PTPRJ: variants seen among roughly 807,000 people sequenced by gnomAD.
The protein encoded by PTPRJ is receptor-type tyrosine-protein phosphatase eta.
A neutral mutation model predicts 141.3 loss-of-function variants in PTPRJ; 129 were observed. The ratio of observed to expected loss-of-function variants is 0.91; its 90% CI spans 0.79 to 1.06. PTPRJ has a LOEUF of 1.06. PTPRJ is among the 50% of genes least tolerant of loss of function. PTPRJ has a pLI of 0.00. For synonymous variants in PTPRJ, 610 were observed against 640.5 expected (o/e 0.95, Z 0.72); for missense variants, 1,601 against 1,679.7 (o/e 0.95, Z 0.82).
In PTPRJ at chr11:48,112,791, G is replaced by A. The variant is rs1856473790; in HGVS notation, c.160G>A (p.Gly54Arg). The A allele has an allele frequency of 6.2e-7, 1 of 1,614,130 alleles. No individual in the cohort carries two copies. Among genetic ancestry groups the A allele is most frequent in the Non-Finnish European group, 8.5e-7 (1 of 1,179,976 alleles). The change falls in exon 3 of 25, where the codon GGG becomes AGG. Residue 54 changes from glycine to arginine, a missense_variant. By Grantham distance (125) the Gly-to-Arg change is moderately radical. Coordinates refer to ENST00000418331, the MANE Select transcript of PTPRJ (RefSeq NM_002843.4). The stretch of plus-strand genomic sequence containing the variant: ...CCCTTCAGTAGCAACTGTTGCCACA[G>A]GGGAAAATGGCATAACGCAGATCAG... ...PDPSVATVATGENGITQISST... is the reference protein window; with the variant it reads ...PDPSVATVATRENGITQISST...
At chr11:48,039,766 T>TC (rs1353508368) in intron 1 of PTPRJ, among the ~76,000 whole-genome samples, 4 of 151,620 alleles carry the variant, frequency 2.6e-5, no homozygotes, top group Admixed American at 2.6e-4. Context: ...TAGGTAAGTG[T>TC]CCCCCCAGTC....
At chr11:48,112,071 A>G (rs1590516588) in intron 2 of PTPRJ, among the ~76,000 whole-genome samples, 2 of 152,128 alleles carry the variant, frequency 1.3e-5, no homozygotes, top group African/African-American at 2.4e-5. Flanking sequence ...CCACTGCCAC[A>G]GTGTTGGTTC....
chr11:48,159,143 G>C (rs1379473082), intron 21 of PTPRJ, among the ~76,000 whole-genome samples: 6 of 149,248 alleles, frequency 4.0e-5, no homozygotes, highest in Admixed American at 2.7e-4. Context: ...GTGTGTGTGT[G>C]TGTGTGTGTG....
intron 22 of PTPRJ, 27 bp from the exon 23 acceptor site, chr11:48,163,431 G>C (rs2270990): frequency 8.4e-5 from 135 of 1,606,774 alleles, no homozygotes; most frequent in Admixed American, 1.7e-5. Flanking sequence ...TTTCTGTCTG[G>C]ATCTAAATCA....
intron 12 of PTPRJ, 50 bp from the exon 13 acceptor site, chr11:48,144,625 T>C (rs761944213): frequency 1.4e-6 from 2 of 1,444,852 alleles, no homozygotes; most frequent in Non-Finnish European, 1.9e-6. Context: ...GGAGAAGAAA[T>C]CTCTCTGCCA....
chr11:48,109,454 C>A (rs1000247308), intron 1 of PTPRJ, among the ~76,000 whole-genome samples: 2 of 152,098 alleles, frequency 1.3e-5, no homozygotes, highest in African/African-American at 4.8e-5. Context: ...CCTTTAAGGC[C>A]TCTTGTGTGT....
chr11:48,104,786 T>G (rs1224913151), intron 1 of PTPRJ, among the ~76,000 whole-genome samples: 3 of 152,102 alleles, frequency 2.0e-5, no homozygotes, highest in African/African-American at 2.4e-5. Context: ...GGAACTGCCT[T>G]TGGGTTTCAT....
chr11:48,041,684 G>C (rs533844656), intron 1 of PTPRJ, among the ~76,000 whole-genome samples: 134 of 152,196 alleles, frequency 8.8e-4, no homozygotes, highest in African/African-American at 3.1e-3. Context: ...GAGTGCAGTG[G>C]TGCAATCATG....
At chr11:48,071,792 C>T (rs1336955115) in intron 1 of PTPRJ, among the ~76,000 whole-genome samples, 7 of 150,466 alleles carry the variant, frequency 4.7e-5, no homozygotes, top group African/African-American at 9.8e-5. Context: ...TCAGTAGAGA[C>T]GGGGTTTCAC....
At chr11:48,048,377 C>T (rs916732040) in intron 1 of PTPRJ, among the ~76,000 whole-genome samples, 3 of 152,232 alleles carry the variant, frequency 2.0e-5, no homozygotes, top group Admixed American at 6.5e-5. Context: ...CTGGATGCTT[C>T]TTCAGGCCTG....
chr11:48,121,968 T>C (rs1289341291), intron 4 of PTPRJ, among the ~76,000 whole-genome samples: 1 of 152,138 alleles, frequency 6.6e-6, no homozygotes, highest in Non-Finnish European at 1.5e-5. Context: ...GCCTGAGCTC[T>C]TGGAGCCCAC....
chr11:48,104,921 G>T (rs949446238), intron 1 of PTPRJ, among the ~76,000 whole-genome samples: 1 of 152,148 alleles, frequency 6.6e-6, no homozygotes, highest in African/African-American at 2.4e-5. Context: ...AAGATGCTCG[G>T]TCAGGACCTT....
chr11:48,121,849 A>G (rs1856716260), intron 4 of PTPRJ, among the ~76,000 whole-genome samples: 1 of 152,082 alleles, frequency 6.6e-6, no homozygotes, highest in South Asian at 2.1e-4. Flanking sequence ...AGGTGGAGAA[A>G]CTTTTTTAAG....
intron 1 of PTPRJ, among the ~76,000 whole-genome samples, chr11:48,080,323 T>A (rs1855524547): frequency 6.6e-6 from 1 of 152,222 alleles, no homozygotes; most frequent in Non-Finnish European, 1.5e-5. Flanking sequence ...AGATGCTTTA[T>A]CTGCAGGTTT....
In PTPRJ at chr11:48,099,701, G is replaced by A. The variant is rs542131197; in HGVS notation, c.97-10357G>A. Among the ~76,000 whole-genome samples the A allele has an allele frequency of 5.9e-5, 9 of 152,206 alleles. No homozygotes were observed. In the East Asian group the frequency reaches 1.7e-3, roughly 29 times the overall value. On this transcript the variant is annotated intron_variant, in intron 1 of 24. Coordinates refer to ENST00000418331, the MANE Select transcript of PTPRJ (RefSeq NM_002843.4). ...GTCAAATAAAAGTGTCTGCTTTGTGGCATTTCTGGCTTGAGAGTACCTGCC... is the reference window on the plus strand; with the variant it reads ...GTCAAATAAAAGTGTCTGCTTTGTGACATTTCTGGCTTGAGAGTACCTGCC...
chr11:48,021,395 A>ATAAATAAATAAATAAATAAATT (rs1336439207), intron 1 of PTPRJ, among the ~76,000 whole-genome samples: 1 of 120,800 alleles, frequency 8.3e-6, no homozygotes. Flanking sequence ...AAATAAATAA[A>ATAAATAAATAAATAAATAAATT]TAAATAAATA....
At chr11:48,125,302 G>A in intron 6 of PTPRJ, 116 bp downstream of exon 6, 1 of 1,115,046 alleles carries the variant, frequency 9.0e-7, no homozygotes, top group Middle Eastern at 2.2e-4. Flanking sequence ...ATGTCAGAGG[G>A]AGCTTCCTGG....
chr11:48,112,972 C>T lies in PTPRJ; in HGVS notation c.341C>T (p.Pro114Leu). The stretch of plus-strand genomic sequence containing the variant: ...ACTGATGGGGCATCTCAAAAAACTC[C>T]CAGTAGCACTGGTAAGCATAGGCTT... ...NGTDGASQKT[P>L]SSTGPSPVFD... is the part of the protein sequence containing the mutation. Residue 114 changes from proline to leucine, a missense_variant, in exon 3 of 25, where the codon CCC becomes CTC. Transcript: ENST00000418331. The T allele has an allele frequency of 6.2e-7, 1 of 1,613,256 alleles. No individual in the cohort carries two copies. The highest frequency in any genetic ancestry group is 8.5e-7 in the Non-Finnish European group (1 of 1,179,240).
chr11:48,130,891 A>G (rs559556955), intron 8 of PTPRJ, among the ~76,000 whole-genome samples, 175 bp downstream of exon 8: 2 of 151,728 alleles, frequency 1.3e-5, no homozygotes, highest in Non-Finnish European at 2.9e-5. Context: ...AGTAAGTAGA[A>G]AAAACTTACA....
Sources: gnomAD v4.1 joint callset for allele counts (sites outside exome capture counted in the v4.1 genomes callset) on GRCh38, gnomAD v4.1.1 for gene constraint, MANE v1.5 for transcripts, NCBI Gene and HGNC (gene_info 2026-07-23, HGNC 2026-07-21) for gene names.